ANGPT2: variants seen among roughly 807,000 people sequenced by gnomAD.
ANGPT2 encodes the protein angiopoietin-2.
ANGPT2 carries 28 observed loss-of-function variants against 62.9 expected under a neutral mutation model. The observed-to-expected ratio is 0.44, with a 90% CI of 0.33 to 0.61. ANGPT2 has a LOEUF of 0.61. Ranked by LOEUF, ANGPT2 falls within the 20% of genes least tolerant of loss-of-function variation. The pLI is 0.03. For synonymous variants in ANGPT2, 284 were observed against 207.8 expected, an observed-to-expected ratio of 1.37 and a Z score of -3.15; for missense variants, 727 against 594.9, an observed-to-expected ratio of 1.22 and a Z score of -2.31.
At chr8:6,505,454 GAA>G (rs1813341224) in intron 8 of ANGPT2, among the ~76,000 whole-genome samples, 9 of 65,200 alleles carry the variant, frequency 1.4e-4, no homozygotes, top group Admixed American at 1.6e-4. Flanking sequence ...TATACATATA[GAA>G]TATATATATT....
intron 1 of ANGPT2, among the ~76,000 whole-genome samples, chr8:6,546,961 G>A (rs1822699899): frequency 6.6e-6 from 1 of 152,188 alleles, no homozygotes; most frequent in South Asian, 2.1e-4. Flanking sequence ...CAAGCTGGCT[G>A]GTTAGTCCTG....
At chr8:6,508,667 A>G (rs1814289303) in intron 8 of ANGPT2, 8 of 590,604 alleles carry the variant, frequency 1.4e-5, no homozygotes, top group South Asian at 1.3e-4. Flanking sequence ...GCTTGCTAAG[A>G]ATCAAATATC....
chr8:6,562,520 G>A lies in ANGPT2; in HGVS notation c.288+127C>T, dbSNP rs374228373. ...TTTCATTTGAGGGTACCAGCAACCCGCTCTCCAGCTCTAATCCTCTTCATC... is the reference window on the plus strand; with the variant it reads ...TTTCATTTGAGGGTACCAGCAACCCACTCTCCAGCTCTAATCCTCTTCATC... On this transcript the variant is annotated intron_variant, in intron 1 of 8. Transcript: ENST00000629816. The A allele has an allele frequency of 4.3e-5, 34 of 791,694 alleles. No individual in the cohort carries two copies. The African/African-American group carries it at 6.1e-4, about 14-fold the overall frequency. The allele number at this position is 791,694 out of a possible 1,614,324, so 49.0% of individuals were successfully genotyped here.
intron 1 of ANGPT2, among the ~76,000 whole-genome samples, chr8:6,547,609 C>T (rs1822834279): frequency 1.3e-5 from 2 of 152,110 alleles, no homozygotes; most frequent in South Asian, 2.1e-4. Context: ...TCACTTGCCT[C>T]ATCAGTAGAG....
In ANGPT2 at chr8:6,503,247, C is replaced by T. The variant is rs1012164303; in HGVS notation, c.1342G>A (p.Ala448Thr). ...CCGTTCAAGTTGGAAGGACCACATGCATCAAACCACCAGCCTGTGAAAGTA... is the reference window on the plus strand; with the variant it reads ...CCGTTCAAGTTGGAAGGACCACATGTATCAAACCACCAGCCTGTGAAAGTA... ...QMLTGGWWFDACGPSNLNGMY... is the reference protein window; with the variant it reads ...QMLTGGWWFDTCGPSNLNGMY... The change falls in exon 9 of 9, where the codon GCA (alanine) becomes ACA (threonine). Residue 448 changes from alanine to threonine, a missense_variant. Coordinates refer to ENST00000629816, the MANE Select transcript of ANGPT2 (RefSeq NM_001118887.2). 1.2e-6 allele frequency: 2 copies of T among 1,614,006 alleles called. No individual in the cohort carries two copies. Among genetic ancestry groups the T allele is most frequent in the Admixed American group, 1.7e-5 (1 of 59,994 alleles).
Position 6,542,687 on chromosome 8 carries a change from C to T in ANGPT2, c.289-10200G>A, listed in dbSNP as rs192663738. Among the ~76,000 whole-genome samples the T allele has an allele frequency of 5.3e-5, 8 of 151,936 alleles. No homozygotes were observed. In the East Asian group the frequency reaches 1.4e-3, roughly 26 times the overall value. On this transcript the variant is annotated intron_variant, in intron 1 of 8. Coordinates refer to ENST00000629816, the MANE Select transcript of ANGPT2 (RefSeq NM_001118887.2). ...GTATAAAGATACTGATGGCCTTTTA[C>T]GTCTCCTCTCTGCCCTGTTTTTGCT...
intron 1 of ANGPT2, among the ~76,000 whole-genome samples, chr8:6,539,783 C>T (rs566513152): frequency 1.3e-3 from 202 of 152,224 alleles, no homozygotes; most frequent in African/African-American, 4.5e-3. Flanking sequence ...GATGGGGCTT[C>T]GCCATGTTGG....
At chr8:6,508,715 G>T in intron 8 of ANGPT2, 1 of 654,870 alleles carries the variant, frequency 1.5e-6, no homozygotes, top group Non-Finnish European at 2.6e-6. Context: ...AGGAGACACA[G>T]TTGGCTTGCT....
At chr8:6,545,699 TAATA>T (rs963880503) in intron 1 of ANGPT2, among the ~76,000 whole-genome samples, 49 of 152,240 alleles carry the variant, frequency 3.2e-4, no homozygotes, top group African/African-American at 1.1e-3. Flanking sequence ...TAAAAATAAA[TAATA>T]AATAAATAAA....
At position 6,562,715 on chromosome 8, in the gene ANGPT2, C is replaced by T. The variant is rs753197361; in HGVS notation, c.220G>A (p.Asp74Asn). The T allele has an allele frequency of 6.2e-7, 1 of 1,613,288 alleles. No homozygotes were observed. The highest frequency in any genetic ancestry group is 8.5e-7 in the Non-Finnish European group (1 of 1,179,514). Residue 74 changes from aspartate to asparagine, a missense_variant, in exon 1 of 9, where the codon GAT (aspartate) becomes AAT (asparagine). Coordinates refer to ENST00000629816, the MANE Select transcript of ANGPT2 (RefSeq NM_001118887.2). ...ACTTGCAGCCTCTGCACCGAGTCATCGTATTCGAGCGGCGCGTCCCTCTGC... is the reference window on the plus strand; with the variant it reads ...ACTTGCAGCCTCTGCACCGAGTCATTGTATTCGAGCGGCGCGTCCCTCTGC... ...AVQRDAPLEY[D>N]DSVQRLQVLE...
intron 6 of ANGPT2, among the ~76,000 whole-genome samples, 186 bp from the exon 7 acceptor site, chr8:6,514,030 G>T (rs1010855106): frequency 2.6e-5 from 4 of 152,148 alleles, no homozygotes; most frequent in Admixed American, 2.0e-4. Context: ...TAGACACTAA[G>T]CTGCTGCTGG....
Position 6,501,587 on chromosome 8 carries a change from C to T in ANGPT2, c.*1514G>A, listed in dbSNP as rs541616186. 7.6e-6 allele frequency: 1 copy of T among 130,784 alleles called. No homozygotes were observed. Among genetic ancestry groups the T allele is most frequent in the South Asian group, 2.4e-4 (1 of 4,176 alleles). The allele number at this position is 130,784 out of a possible 1,614,324, so 8.1% of individuals were successfully genotyped here. On this transcript the variant is annotated 3_prime_UTR_variant, in exon 9 of 9. Coordinates refer to ENST00000629816, the MANE Select transcript of ANGPT2 (RefSeq NM_001118887.2). ...TTTTTTTTTTTGAGATGGAGTCTTG[C>T]TCTGTTGCCCCGGCTGGAGTGCAGT...
chr8:6,556,272 T>C lies in ANGPT2; in HGVS notation c.288+6375A>G, dbSNP rs142176797. Among the ~76,000 whole-genome samples the C allele has an allele frequency of 4.0e-4, 61 of 152,364 alleles. No homozygotes were observed. In the East Asian group the frequency reaches 0.011, roughly 27 times the overall value. ...GGCATTAAATATTAAGAATGTTTAT[T>C]TCAGAATCATATAATTATACCTGAT... On this transcript the variant is annotated intron_variant, in intron 1 of 8. Transcript: ENST00000629816.
At chr8:6,531,172 C>T (rs1269481169) in intron 2 of ANGPT2, among the ~76,000 whole-genome samples, 2 of 151,920 alleles carry the variant, frequency 1.3e-5, no homozygotes, top group South Asian at 2.1e-4. Flanking sequence ...TTCCCTTTCC[C>T]ACCCAGGCCG....
intron 1 of ANGPT2, among the ~76,000 whole-genome samples, chr8:6,549,987 T>A (rs1354991183): frequency 6.6e-6 from 1 of 152,152 alleles, no homozygotes; most frequent in Non-Finnish European, 1.5e-5. Context: ...AAGGTTGGGG[T>A]TGGCTTTGCC....
chr8:6,549,589 C>T (rs563763433), intron 1 of ANGPT2, among the ~76,000 whole-genome samples: 1 of 151,938 alleles, frequency 6.6e-6, no homozygotes, highest in South Asian at 2.1e-4. Flanking sequence ...GGCGGGAAGC[C>T]TTCTGCATCT....
chr8:6,507,261 A>T (rs1813935124), intron 8 of ANGPT2, among the ~76,000 whole-genome samples: 1 of 152,156 alleles, frequency 6.6e-6, no homozygotes, highest in Non-Finnish European at 1.5e-5. Flanking sequence ...TTAATGTAGT[A>T]ACTTTCATTT....
chr8:6,517,075 G>A (rs1293925819), intron 5 of ANGPT2, among the ~76,000 whole-genome samples: 1 of 152,202 alleles, frequency 6.6e-6, no homozygotes, highest in African/African-American at 2.4e-5. Context: ...AACTTGCAGA[G>A]AAAGATAGTG....
At chr8:6,537,405 G>A (rs905887041) in intron 1 of ANGPT2, among the ~76,000 whole-genome samples, 4 of 151,896 alleles carry the variant, frequency 2.6e-5, no homozygotes, top group Admixed American at 1.3e-4. Context: ...TAACATTGAG[G>A]GCCACAGTGA....
Sources: allele counts gnomAD v4.1 joint callset (sites outside exome capture counted in the v4.1 genomes callset), GRCh38; gene constraint gnomAD v4.1.1; transcripts MANE v1.5; gene names NCBI Gene and HGNC (gene_info 2026-07-23, HGNC 2026-07-21).